PTPRD: variants seen among roughly 807,000 people sequenced by gnomAD.
PTPRD encodes protein tyrosine phosphatase receptor type D.
In PTPRD, 34 loss-of-function variants were observed where a neutral mutation model predicts 214.5. The ratio of observed to expected loss-of-function variants is 0.16; its 90% CI spans 0.12 to 0.21. PTPRD has a LOEUF of 0.21. Among genes scored for constraint, PTPRD ranks in the 10% least tolerant of loss-of-function variants. The pLI, the probability that PTPRD is intolerant of heterozygous loss-of-function variation, is 1.00. For missense variants in PTPRD, 2,545 were observed against 2,398.7 expected, an observed-to-expected ratio of 1.06 and a Z score of -1.27; for synonymous variants, 1,128 against 845.7, an observed-to-expected ratio of 1.33 and a Z score of -5.79.
At chr9:8,640,731 T>C (rs900991004) in intron 12 of PTPRD, among the ~76,000 whole-genome samples, 2 of 150,510 alleles carry the variant, frequency 1.3e-5, no homozygotes, top group African/African-American at 4.9e-5. Context: ...TCGGCCTCAC[T>C]GACAAGAAAA....
At chr9:10,365,693 C>A (rs1242153640) in intron 2 of PTPRD, among the ~76,000 whole-genome samples, 1 of 151,980 alleles carries the variant, frequency 6.6e-6, no homozygotes, top group African/African-American at 2.4e-5. Flanking sequence ...TAAATAAAAA[C>A]AAACCATTAG....
chr9:9,210,334 T>C (rs1304605573), intron 9 of PTPRD, among the ~76,000 whole-genome samples: 2 of 152,176 alleles, frequency 1.3e-5, no homozygotes, highest in Non-Finnish European at 2.9e-5. Context: ...TTCATCCATA[T>C]GTATAATAAT....
In PTPRD at chr9:8,584,087, G is replaced by A. The variant is rs975125569; in HGVS notation, c.352+49230C>T. 5.3e-5 allele frequency among the ~76,000 whole-genome samples: 8 copies of A among 152,132 alleles called. No individual in the cohort carries two copies. In the South Asian group the frequency reaches 6.2e-4, roughly 12 times the overall value. ...GAGGATCACCTGAGCCTGGTAGTTCGAGGCTGTAGTGAGCCATGATTGTGC... is the reference window on the plus strand; with the variant it reads ...GAGGATCACCTGAGCCTGGTAGTTCAAGGCTGTAGTGAGCCATGATTGTGC... On this transcript the variant is annotated intron_variant, in intron 14 of 45. Transcript: ENST00000381196.
intron 9 of PTPRD, among the ~76,000 whole-genome samples, chr9:9,383,910 T>C (rs1186648417): frequency 6.6e-6 from 1 of 152,048 alleles, no homozygotes; most frequent in Non-Finnish European, 1.5e-5. Context: ...TGTGTGTTTT[T>C]GCAACAGTAA....
At position 8,642,903 on chromosome 9, in the gene PTPRD, G is replaced by T. The variant is rs569324794; in HGVS notation, c.65-6059C>A. Among the ~76,000 whole-genome samples the T allele has an allele frequency of 1.4e-4, 22 of 152,272 alleles. No individual in the cohort carries two copies. In the East Asian group the frequency reaches 3.9e-3, roughly 27 times the overall value. On this transcript the variant is annotated intron_variant, in intron 12 of 45. Transcript: ENST00000381196. ...TATACCAACACATGACGAAAGGGAG[G>T]GAGGTCCCAAAGTTGATGTATCATT...
chr9:8,542,946 G>C (rs937226512), intron 14 of PTPRD, among the ~76,000 whole-genome samples: 11 of 152,154 alleles, frequency 7.2e-5, no homozygotes, highest in African/African-American at 2.7e-4. Flanking sequence ...GAGCATGCAA[G>C]GGTAGTTTCT....
chr9:10,013,382 A>C (rs2096639243), intron 4 of PTPRD, among the ~76,000 whole-genome samples: 1 of 151,984 alleles, frequency 6.6e-6, no homozygotes, highest in Non-Finnish European at 1.5e-5. Context: ...ATTTGTAAAT[A>C]AATAATCAAT....
intron 7 of PTPRD, among the ~76,000 whole-genome samples, chr9:9,731,418 A>G (rs1433516220): frequency 6.6e-6 from 1 of 151,846 alleles, no homozygotes; most frequent in African/African-American, 2.4e-5. Context: ...TTTTCTTTCA[A>G]AATGATAACT....
At chr9:9,303,036 A>G (rs1001138457) in intron 9 of PTPRD, among the ~76,000 whole-genome samples, 2 of 151,976 alleles carry the variant, frequency 1.3e-5, no homozygotes, top group Admixed American at 6.6e-5. Flanking sequence ...CATTGGCTTC[A>G]TAAGAGAAGA....
chr9:10,002,204 A>G (rs938642200), intron 4 of PTPRD, among the ~76,000 whole-genome samples: 3 of 150,760 alleles, frequency 2.0e-5, no homozygotes, highest in Non-Finnish European at 3.0e-5. Flanking sequence ...AAACTGGTAT[A>G]CTAAAAATGT....
intron 3 of PTPRD, among the ~76,000 whole-genome samples, chr9:10,143,539 C>T (rs200547900): frequency 6.6e-6 from 1 of 151,596 alleles, no homozygotes; most frequent in African/African-American, 2.4e-5. Context: ...TGCCATTCAA[C>T]CCAGCAATTC....
chr9:10,325,797 A>T (rs2096632835), intron 3 of PTPRD, among the ~76,000 whole-genome samples: 1 of 151,904 alleles, frequency 6.6e-6, no homozygotes, highest in Admixed American at 6.6e-5. Context: ...TAAAGGAAGA[A>T]TTTTGCCTGG....
intron 10 of PTPRD, among the ~76,000 whole-genome samples, chr9:9,102,714 G>A (rs539171451): frequency 5.3e-5 from 8 of 152,270 alleles, no homozygotes; most frequent in Middle Eastern, 3.4e-3. Flanking sequence ...GATCATTCAC[G>A]GAGGTTACTG....
chr9:9,232,005 T>G (rs2099963423), intron 9 of PTPRD, among the ~76,000 whole-genome samples: 1 of 152,150 alleles, frequency 6.6e-6, no homozygotes, highest in Non-Finnish European at 1.5e-5. Context: ...TTTTTGTAAT[T>G]TCACACTCTT....
chr9:10,046,428 C>G (rs887592473), intron 3 of PTPRD, among the ~76,000 whole-genome samples: 1 of 151,702 alleles, frequency 6.6e-6, no homozygotes, highest in Non-Finnish European at 1.5e-5. Context: ...AAAATATGGA[C>G]GTTTAAAACC....
intron 12 of PTPRD, among the ~76,000 whole-genome samples, chr9:8,710,722 C>T (rs920666814): frequency 1.1e-4 from 17 of 152,112 alleles, no homozygotes; most frequent in South Asian, 2.1e-4. Flanking sequence ...TAACAATTAA[C>T]GATTTTATAT....
At chr9:9,332,011 G>T (rs943289513) in intron 9 of PTPRD, among the ~76,000 whole-genome samples, 3 of 152,050 alleles carry the variant, frequency 2.0e-5, no homozygotes, top group Admixed American at 6.6e-5. Context: ...AAAAGGCTAT[G>T]CTAATTACAT....
chr9:9,371,708 G>C (rs995876852), intron 9 of PTPRD, among the ~76,000 whole-genome samples: 4 of 152,054 alleles, frequency 2.6e-5, no homozygotes, highest in African/African-American at 9.7e-5. Context: ...CGATGTTAGG[G>C]TGTCAATTTT....
At chr9:9,379,836 A>T (rs2061703035) in intron 9 of PTPRD, among the ~76,000 whole-genome samples, 1 of 151,786 alleles carries the variant, frequency 6.6e-6, no homozygotes, top group South Asian at 2.1e-4. Flanking sequence ...CCACTTGTTC[A>T]TTGTTGGTAT....
Sources: allele counts gnomAD v4.1 joint callset (sites outside exome capture counted in the v4.1 genomes callset), GRCh38; gene constraint gnomAD v4.1.1; transcripts MANE v1.5; gene names NCBI Gene and HGNC (gene_info 2026-07-23, HGNC 2026-07-21).